NABP1: variants seen among roughly 807,000 people sequenced by gnomAD.
The protein encoded by NABP1 is SOSS complex subunit B2.
In NABP1, 18 loss-of-function variants were observed where a neutral mutation model predicts 25.0. That is an observed-to-expected ratio of 0.72 (90% CI 0.50 to 1.07). The LOEUF (loss-of-function observed/expected upper bound fraction) is 1.07, where lower values mean the gene tolerates loss of function less well. Among genes scored for constraint, NABP1 ranks in the 50% least tolerant of loss-of-function variants. The pLI, the probability that NABP1 is intolerant of heterozygous loss-of-function variation, is 0.00. For missense variants in NABP1, 270 were observed against 255.6 expected (o/e 1.06, Z -0.39); for synonymous variants, 71 against 85.0 (o/e 0.84, Z 0.91).
rs1687599432 is a variant in NABP1, at chr2:191,679,205, C to A, written c.230+77C>A. On this transcript the variant is annotated intron_variant, in intron 2 of 5. Coordinates refer to ENST00000425611, the MANE Select transcript of NABP1 (RefSeq NM_001031716.5). ...GCCGGCTCCTGGGATCTTGGCAAGC[C>A]CTGAAGTCCCCCGCCTTTTCTGTGG... 18 of 1,566,300 alleles carry A rather than the reference C, an allele frequency of 1.1e-5. No individual in the cohort carries two copies. In the South Asian group the frequency reaches 2.0e-4, roughly 18 times the overall value.
Position 191,678,423 on chromosome 2 carries a change from T to TA in NABP1, c.-192_-191insA. ...TGAGCCTTTTTTTTTTTTTTTTTTT[T>TA]TTTTCTTTTTTTAGGCTCAGTGCTG... On this transcript the variant is annotated 5_prime_UTR_variant, in exon 1 of 6. Transcript: ENST00000425611. 9.9e-5 allele frequency: 16 copies of TA among 161,974 alleles called. No individual in the cohort carries two copies. Among genetic ancestry groups the TA allele is most frequent in the Non-Finnish European group, 1.7e-4 (13 of 75,026 alleles). 10.0% of individuals were successfully genotyped at this position (161,974 alleles called of 1,614,324 possible). A position where few individuals can be genotyped will look rare whatever the true frequency, so the allele number is the denominator to read the frequency against.
At chr2:191,682,826 T>C (rs1687724357) in intron 3 of NABP1, 5 of 257,132 alleles carry the variant, frequency 1.9e-5, no homozygotes, top group Non-Finnish European at 3.9e-5. Flanking sequence ...CTGTGGTTAA[T>C]AATGAAGGAA....
At chr2:191,678,794 C>A (rs927121347) in intron 1 of NABP1, 89 bp downstream of exon 1, 8 of 1,236,156 alleles carry the variant, frequency 6.5e-6, no homozygotes, top group Non-Finnish European at 8.1e-6. Flanking sequence ...CCGGGGCTCC[C>A]CTCCTCCTCC....
At chr2:191,681,487 C>T (rs547158684) in intron 2 of NABP1, among the ~76,000 whole-genome samples, 20 of 152,078 alleles carry the variant, frequency 1.3e-4, no homozygotes, top group African/African-American at 4.3e-4. Context: ...ACCAGATCTT[C>T]GGTAGCTTAG....
chr2:191,679,292 A>T (rs1687602685), intron 2 of NABP1, among the ~76,000 whole-genome samples, 164 bp downstream of exon 2: 1 of 152,140 alleles, frequency 6.6e-6, no homozygotes, highest in South Asian at 2.1e-4. Flanking sequence ...CAGCGCTGGG[A>T]TGTAACAGAC....
At chr2:191,679,208 G>C in intron 2 of NABP1, 80 bp downstream of exon 2, 1 of 1,557,996 alleles carries the variant, frequency 6.4e-7, no homozygotes, top group Admixed American at 1.8e-5. Context: ...GGCAAGCCCT[G>C]AAGTCCCCCG....
At chr2:191,684,465 A>G (rs1356379115) in intron 5 of NABP1, among the ~76,000 whole-genome samples, 169 bp downstream of exon 5, 1 of 152,238 alleles carries the variant, frequency 6.6e-6, no homozygotes, top group Non-Finnish European at 1.5e-5. Context: ...GATAAACTTA[A>G]GCCAGTTTAT....
chr2:191,683,246 A>G lies in NABP1; in HGVS notation c.303-483A>G, dbSNP rs889940816. 2.3e-5 allele frequency: 4 copies of G among 171,064 alleles called. No individual in the cohort carries two copies. Among genetic ancestry groups the G allele is most frequent in the Non-Finnish European group, 5.0e-5 (4 of 80,096 alleles). 10.6% of individuals were successfully genotyped at this position (171,064 alleles called of 1,614,324 possible). On this transcript the variant is annotated intron_variant, in intron 3 of 5. Coordinates refer to ENST00000425611, the MANE Select transcript of NABP1 (RefSeq NM_001031716.5). The surrounding 1 kb of genome is among the most constrained non-coding windows in gnomAD (Gnocchi z 4.1). ...GCTATGTAGCCTGTTGTTATTATTT[A>G]TTGCCTAGAAACCACTCTTAACCCT...
At chr2:191,684,367 A>C in intron 5 of NABP1, 71 bp downstream of exon 5, 1 of 1,089,056 alleles carries the variant, frequency 9.2e-7, no homozygotes, top group Non-Finnish European at 1.3e-6. Flanking sequence ...GATTCACGTG[A>C]AAAGCAACGT....
intron 3 of NABP1, chr2:191,682,463 G>A (rs1246116529): frequency 1.3e-5 from 6 of 468,258 alleles, no homozygotes; most frequent in South Asian, 4.7e-5. Context: ...TTGCAGCAAC[G>A]AAAACTGAAG....
At chr2:191,680,424 C>G (rs1336986364) in intron 2 of NABP1, among the ~76,000 whole-genome samples, 2 of 152,058 alleles carry the variant, frequency 1.3e-5, no homozygotes, top group Non-Finnish European at 2.9e-5. Context: ...AGGACTTAGA[C>G]ATTTTCTTCT....
chr2:191,679,668 C>T (rs1327663730), intron 2 of NABP1, among the ~76,000 whole-genome samples: 1 of 152,202 alleles, frequency 6.6e-6, no homozygotes, highest in African/African-American at 2.4e-5. Context: ...TGAGCCACCA[C>T]GCCCGGCATA....
At chr2:191,680,211 G>T (rs2105640596) in intron 2 of NABP1, among the ~76,000 whole-genome samples, 1 of 152,286 alleles carries the variant, frequency 6.6e-6, no homozygotes, top group South Asian at 2.1e-4. Context: ...GAATTTGGAA[G>T]CTTTTGAGAT....
At chr2:191,682,074 A>G in intron 3 of NABP1, 57 bp downstream of exon 3, 1 of 1,079,380 alleles carries the variant, frequency 9.3e-7, no homozygotes, top group East Asian at 2.9e-5. Context: ...TATCTACGGA[A>G]TGATTGGTAG....
chr2:191,682,625 T>A (rs1404791496), intron 3 of NABP1: 10 of 469,216 alleles, frequency 2.1e-5, no homozygotes, highest in African/African-American at 8.0e-5. Flanking sequence ...AGCCTAGACA[T>A]TGGGTTGTAT....
In NABP1 at chr2:191,679,175, G is replaced by C. The variant is rs766971324; in HGVS notation, c.230+47G>C. On this transcript the variant is annotated intron_variant, in intron 2 of 5. Transcript: ENST00000425611. ...GGGACCTAACAGTCTGCAGAATCGG[G>C]ATTGGCCGGCTCCTGGGATCTTGGC... The C allele has an allele frequency of 1.9e-6, 3 of 1,610,776 alleles. No individual in the cohort carries two copies. The African/African-American group carries it at 4.0e-5, about 22-fold the overall frequency.
At chr2:191,679,268 C>G in intron 2 of NABP1, 140 bp downstream of exon 2, 2 of 1,021,392 alleles carry the variant, frequency 2.0e-6, no homozygotes, top group South Asian at 1.6e-5. Context: ...TTGGTGTTAA[C>G]TTTGGGTGGT....
In NABP1 at chr2:191,678,220, G is replaced by C. The variant is rs1021569501; in HGVS notation, c.-395G>C. 6.4e-6 allele frequency: 1 copy of C among 156,012 alleles called. No homozygotes were observed. Among genetic ancestry groups the C allele is most frequent in the African/African-American group, 2.4e-5 (1 of 41,606 alleles). 9.7% of individuals were successfully genotyped at this position (156,012 alleles called of 1,614,324 possible). A position where few individuals can be genotyped will look rare whatever the true frequency, so the allele number is the denominator to read the frequency against. The stretch of plus-strand genomic sequence containing the variant: ...CAGCCCGTTCCTTCCCGGAGCCCGG[G>C]ACAGGCTGGGCGCGCGCCCGTGTGA... On this transcript the variant is annotated 5_prime_UTR_variant, in exon 1 of 6. Coordinates refer to ENST00000425611, the MANE Select transcript of NABP1 (RefSeq NM_001031716.5).
chr2:191,683,953 C>T lies in NABP1; in HGVS notation c.378+149C>T, dbSNP rs1161127813. On this transcript the variant is annotated intron_variant, in intron 4 of 5. Coordinates refer to ENST00000425611, the MANE Select transcript of NABP1 (RefSeq NM_001031716.5). This position sits in a 1 kb window ranked among gnomAD's most constrained non-coding sequence, Gnocchi z 4.1. Reference sequence around the variant, plus strand: ...TTGTATGTTTTGTGAGGATATGTATCTGAGGTGTCATCTACTAGATATATG... The same window carrying T: ...TTGTATGTTTTGTGAGGATATGTATTTGAGGTGTCATCTACTAGATATATG... 21 of 718,474 alleles carry T rather than the reference C, an allele frequency of 2.9e-5. No homozygotes were observed. Among genetic ancestry groups the T allele is most frequent in the Non-Finnish European group, 4.1e-5 (18 of 440,204 alleles). 44.5% of individuals were successfully genotyped at this position (718,474 alleles called of 1,614,324 possible).
Sources: allele counts gnomAD v4.1 joint callset (sites outside exome capture counted in the v4.1 genomes callset), GRCh38; gene constraint gnomAD v4.1.1; non-coding constraint Gnocchi (gnomAD v3.1); transcripts MANE v1.5; gene names NCBI Gene and HGNC (gene_info 2026-07-23, HGNC 2026-07-21).